ANKRD28: variants seen among roughly 807,000 people sequenced by gnomAD.
The protein encoded by ANKRD28 is serine/threonine-protein phosphatase 6 regulatory ankyrin repeat subunit A.
A neutral mutation model predicts 126.5 loss-of-function variants in ANKRD28; 44 were observed. The ratio of observed to expected loss-of-function variants is 0.35; its 90% CI spans 0.27 to 0.45. The LOEUF (loss-of-function observed/expected upper bound fraction) is 0.45. Among genes scored for constraint, ANKRD28 ranks in the 20% least tolerant of loss-of-function variants. ANKRD28 has a pLI of 1.00. For missense variants in ANKRD28, 1,110 were observed against 1,316.6 expected (o/e 0.84, Z 2.43); for synonymous variants, 442 against 468.5 (o/e 0.94, Z 0.73).
chr3:15,836,453 T>C (rs1387846475), intron 1 of ANKRD28, among the ~76,000 whole-genome samples: 4 of 151,944 alleles, frequency 2.6e-5, no homozygotes, highest in Non-Finnish European at 4.4e-5. Context: ...AGAAAACAAA[T>C]AGCAACTGAG....
chr3:15,702,866 ACTAAC>A (rs1406434635), intron 14 of ANKRD28, among the ~76,000 whole-genome samples: 5 of 152,012 alleles, frequency 3.3e-5, no homozygotes, highest in Non-Finnish European at 5.9e-5. Flanking sequence ...AAAAAATACA[ACTAAC>A]CTTTATAGGA....
At position 15,812,627 on chromosome 3, in the gene ANKRD28, C is replaced by T. The variant is rs2060739836; in HGVS notation, c.28-17321G>A. Among the ~76,000 whole-genome samples, 1 of 152,120 alleles carries T rather than the reference C, an allele frequency of 6.6e-6. No individual in the cohort carries two copies. On this transcript the variant is annotated intron_variant, in intron 1 of 27. Transcript: ENST00000399451. This position sits in a 1 kb window ranked among gnomAD's most constrained non-coding sequence, Gnocchi z 4.1. ...CTTGCTTACCAATTATCCAAATGCT[C>T]GTTTGGGAACAGAATTAGGATAGGG...
intron 2 of ANKRD28, among the ~76,000 whole-genome samples, chr3:15,787,974 C>A (rs1303636502): frequency 6.6e-6 from 1 of 152,112 alleles, no homozygotes; most frequent in East Asian, 1.9e-4. Context: ...GTAACACTTT[C>A]AAAAATATTA....
intron 27 of ANKRD28, among the ~76,000 whole-genome samples, chr3:15,671,822 T>C (rs2066395718): frequency 6.6e-6 from 1 of 152,066 alleles, no homozygotes; most frequent in African/African-American, 2.4e-5. Flanking sequence ...TGGCCTCAAG[T>C]GATCTGCCTG....
intron 3 of ANKRD28, among the ~76,000 whole-genome samples, chr3:15,760,145 A>G (rs909173800): frequency 3.9e-5 from 6 of 152,148 alleles, no homozygotes; most frequent in African/African-American, 1.4e-4. Flanking sequence ...AAATGATGAG[A>G]ACATATGGAC....
At chr3:15,858,603 C>G (rs890425198) in intron 1 of ANKRD28, among the ~76,000 whole-genome samples, 5 of 152,184 alleles carry the variant, frequency 3.3e-5, no homozygotes, top group Admixed American at 3.3e-4. Flanking sequence ...TAGTAAGTGT[C>G]CTGCGACAAA....
chr3:15,694,945 G>T (rs763619697), intron 16 of ANKRD28, 132 bp from the exon 17 acceptor site: 3 of 874,084 alleles, frequency 3.4e-6, no homozygotes, highest in African/African-American at 1.7e-5. Context: ...TGATTATTAT[G>T]AAAGTATACT....
At chr3:15,767,580 G>C (rs1445040890) in intron 2 of ANKRD28, among the ~76,000 whole-genome samples, 1 of 151,712 alleles carries the variant, frequency 6.6e-6, no homozygotes, top group Non-Finnish European at 1.5e-5. Context: ...AACTACTCTA[G>C]GCTGGGCACA....
rs2166760 is a variant in ANKRD28, at chr3:15,815,958, A to G, written c.28-20652T>C. Among the ~76,000 whole-genome samples the G allele has an allele frequency of 0.14, 20,860 of 152,148 alleles. 2,155 individuals carry two copies. Among genetic ancestry groups the G allele is most frequent in the East Asian group, 0.58 (3,003 of 5,160 alleles). ...ATTTAAAAAGTTAATGTCTTCCCTG[A>G]GTCATGTATTTTAAACAAAGGTTTC... is the stretch of plus-strand genomic sequence containing the variant. On this transcript the variant is annotated intron_variant, in intron 1 of 27. Coordinates refer to the ANKRD28 transcript ENST00000399451. This position sits in a 1 kb window ranked among gnomAD's most constrained non-coding sequence, Gnocchi z 4.1.
At chr3:15,778,088 G>A (rs894059026) in intron 2 of ANKRD28, among the ~76,000 whole-genome samples, 6 of 151,924 alleles carry the variant, frequency 3.9e-5, no homozygotes, top group Non-Finnish European at 7.4e-5. Context: ...AGCTCCTTTC[G>A]TGGTCTCCCA....
chr3:15,696,708 G>C (rs2069627285), intron 14 of ANKRD28, among the ~76,000 whole-genome samples: 1 of 151,886 alleles, frequency 6.6e-6, no homozygotes, highest in South Asian at 2.1e-4. Flanking sequence ...AGAAACCAAG[G>C]TCAGAACTCA....
In ANKRD28 at chr3:15,838,070, TGAA is replaced by T. The variant is rs551143063; in HGVS notation, c.27+21304_27+21306del. ...ATTCTAAGACACAAATTACTGACTC[TGAA>T]GAAGATACAGAAAATATGAATAGAA... On this transcript the variant is annotated intron_variant, in intron 1 of 27. Transcript: ENST00000399451. This position sits in a 1 kb window ranked among gnomAD's most constrained non-coding sequence, Gnocchi z 4.0. Among the ~76,000 whole-genome samples, 123 of 152,264 alleles carry T rather than the reference TGAA, an allele frequency of 8.1e-4. 1 individual carries two copies. The South Asian group carries it at 0.024, about 29-fold the overall frequency.
chr3:15,735,377 T>C (rs762980739), intron 6 of ANKRD28, 33 bp downstream of exon 6: 3 of 1,467,428 alleles, frequency 2.0e-6, no homozygotes, highest in East Asian at 5.0e-5. Context: ...TCTAAATATA[T>C]AATATCAAAA....
chr3:15,754,041 C>G (rs9844343), intron 3 of ANKRD28, among the ~76,000 whole-genome samples: 3 of 152,190 alleles, frequency 2.0e-5, no homozygotes, highest in African/African-American at 7.2e-5. Flanking sequence ...ATGACTAGTA[C>G]GCTTTACTTT....
At chr3:15,824,256 G>A (rs1656435642) in intron 1 of ANKRD28, among the ~76,000 whole-genome samples, 1 of 152,182 alleles carries the variant, frequency 6.6e-6, no homozygotes, top group African/African-American at 2.4e-5. Flanking sequence ...CTGGGCTCAA[G>A]CGATCCTCCC....
rs1486394619 is a variant in ANKRD28, at chr3:15,850,204, A to AAATATATATATATATAT, written c.27+9172_27+9173insATATATATATATATATT. On this transcript the variant is annotated intron_variant, in intron 1 of 27. Transcript: ENST00000399451. ...TCTACATGCAATAAAAAAAAAAAAA[A>AAATATATATATATATAT]ATATATATATATATATATATAGAGA... is the stretch of plus-strand genomic sequence containing the variant. 1.1e-3 allele frequency among the ~76,000 whole-genome samples: 60 copies of AAATATATATATATATAT among 54,814 alleles called. 4 individuals carry two copies. Among genetic ancestry groups the AAATATATATATATATAT allele is most frequent in the South Asian group, 2.5e-3 (4 of 1,570 alleles). The allele number at this position is 54,814 out of a possible 152,430, so 36.0% of individuals were successfully genotyped here. A position where few individuals can be genotyped will look rare whatever the true frequency, so the allele number is the denominator to read the frequency against.
At chr3:15,755,723 C>T (rs560527357) in intron 3 of ANKRD28, among the ~76,000 whole-genome samples, 106 of 152,272 alleles carry the variant, frequency 7.0e-4, no homozygotes, top group African/African-American at 2.5e-3. Flanking sequence ...TCGTTAACCG[C>T]CTCTGGTGGC....
chr3:15,828,840 C>T (rs1254157390), intron 1 of ANKRD28, among the ~76,000 whole-genome samples: 1 of 152,052 alleles, frequency 6.6e-6, no homozygotes, highest in Admixed American at 6.6e-5. Flanking sequence ...GTAATCAAGA[C>T]CAAGACTCTA....
chr3:15,792,193 A>G (rs2060062090), intron 2 of ANKRD28, among the ~76,000 whole-genome samples: 1 of 152,198 alleles, frequency 6.6e-6, no homozygotes, highest in Non-Finnish European at 1.5e-5. Context: ...TAGAGCTACC[A>G]TATGATCGAG....
Sources: gnomAD v4.1 joint callset for allele counts (sites outside exome capture counted in the v4.1 genomes callset) on GRCh38, gnomAD v4.1.1 for gene constraint, Gnocchi (gnomAD v3.1) non-coding constraint, MANE v1.5 for transcripts, NCBI Gene and HGNC (gene_info 2026-07-23, HGNC 2026-07-21) for gene names.